Variants in PRC1 observed in about 807,000 individuals in gnomAD.
PRC1 encodes the protein anaphase spindle elongation 1 homolog.
PRC1 carries 54 observed loss-of-function variants against 91.2 expected under a neutral mutation model. The observed-to-expected ratio is 0.59, with a 90% CI of 0.48 to 0.74. PRC1 has a LOEUF of 0.74. Among genes scored for constraint, PRC1 ranks in the 30% least tolerant of loss-of-function variants. The probability of loss-of-function intolerance (pLI) is 0.00; values close to 1 mark genes in which losing one functional copy is unlikely to be tolerated. For synonymous variants in PRC1, 275 were observed against 263.6 expected, an observed-to-expected ratio of 1.04 and a Z score of -0.42; for missense variants, 727 against 746.2, an observed-to-expected ratio of 0.97 and a Z score of 0.30.
chr15:90,992,647 T>A (rs2040043955), intron 1 of PRC1, among the ~76,000 whole-genome samples: 2 of 152,160 alleles, frequency 1.3e-5, no homozygotes, highest in South Asian at 4.1e-4. Flanking sequence ...ATTATCATGA[T>A]ACACTTAAAT....
intron 12 of PRC1, 140 bp from the exon 13 acceptor site, chr15:90,969,763 CATAT>C (rs61067469): frequency 0.04 from 5,243 of 129,946 alleles, 166 homozygotes; most frequent in African/African-American, 0.074. Context: ...AAAAAAAAAA[CATAT>C]ATATATATAT....
At chr15:90,967,233 T>TGTGTAAGAGAGGC in intron 14 of PRC1, 31 bp from the exon 15 acceptor site, 1 of 1,530,940 alleles carries the variant, frequency 6.5e-7, no homozygotes, top group Non-Finnish European at 9.1e-7. Flanking sequence ...TCAGTGGCCA[T>TGTGTAAGAGAGGC]ACTGCCTCTC....
intron 1 of PRC1, among the ~76,000 whole-genome samples, chr15:90,986,371 G>A (rs886128415): frequency 6.6e-6 from 1 of 152,372 alleles, no homozygotes; most frequent in East Asian, 1.9e-4. Context: ...GCTCACACCT[G>A]TAATTCCAGG....
At chr15:90,990,246 G>A (rs2039886767) in intron 1 of PRC1, among the ~76,000 whole-genome samples, 1 of 151,848 alleles carries the variant, frequency 6.6e-6, no homozygotes, top group African/African-American at 2.4e-5. Context: ...TGAGGCAGGA[G>A]AATTGCTTGA....
intron 14 of PRC1, chr15:90,968,490 A>G (rs1291217244): frequency 1.0e-6 from 1 of 986,002 alleles, no homozygotes. Context: ...AGTAAAAGGC[A>G]GTGTAGTTAG....
At chr15:90,980,544 G>A in intron 6 of PRC1, 155 bp from the exon 7 acceptor site, 2 of 867,220 alleles carry the variant, frequency 2.3e-6, no homozygotes, top group Admixed American at 3.1e-5. Context: ...TTTGAGACAG[G>A]GTCTCACTCT....
At position 90,981,963 on chromosome 15, in the gene PRC1, T is replaced by C. The variant is rs749435348; in HGVS notation, c.286A>G (p.Ile96Val). 1.4e-5 allele frequency: 22 copies of C among 1,613,968 alleles called. No homozygotes were observed. Among genetic ancestry groups the C allele is most frequent in the South Asian group, 6.6e-5 (6 of 91,086 alleles). ...CGCAAATCTTTTTCTAGTTGCAAGATGGTCGTCTCTCCTTCTTCCTGAATA... is the reference window on the plus strand; with the variant it reads ...CGCAAATCTTTTTCTAGTTGCAAGACGGTCGTCTCTCCTTCTTCCTGAATA... Reference protein sequence around the residue: ...EPFQEEGETTILQLEKDLRTQ... With the variant: ...EPFQEEGETTVLQLEKDLRTQ... Residue 96 changes from isoleucine to valine, a missense_variant, in exon 4 of 15, where the codon ATC (isoleucine) becomes GTC (valine). Transcript: ENST00000394249.
At chr15:90,979,440 A>T in intron 7 of PRC1, 146 bp from the exon 8 acceptor site, 2 of 936,940 alleles carry the variant, frequency 2.1e-6, no homozygotes, top group Non-Finnish European at 3.1e-6. Context: ...TGTGTAATAG[A>T]TATATAGTGG....
intron 7 of PRC1, 110 bp from the exon 8 acceptor site, chr15:90,979,404 C>G (rs1406015584): frequency 2.4e-6 from 3 of 1,268,046 alleles, no homozygotes; most frequent in Non-Finnish European, 3.3e-6. Context: ...TTATAGTAAA[C>G]TGATACAGGA....
chr15:90,981,130 G>C, intron 5 of PRC1, 97 bp from the exon 6 acceptor site: 2 of 1,508,932 alleles, frequency 1.3e-6, no homozygotes, highest in Non-Finnish European at 1.8e-6. Context: ...TAGAGGAGGA[G>C]GCACTTTCAT....
At chr15:90,983,165 T>G (rs2039337314) in intron 3 of PRC1, among the ~76,000 whole-genome samples, 1 of 152,174 alleles carries the variant, frequency 6.6e-6, no homozygotes, top group Admixed American at 6.5e-5. Context: ...CACTTCATGT[T>G]CTCTTCTGCC....
intron 1 of PRC1, among the ~76,000 whole-genome samples, chr15:90,994,186 G>A (rs1347198999): frequency 2.0e-5 from 3 of 152,118 alleles, no homozygotes; most frequent in African/African-American, 2.4e-5. Flanking sequence ...GGGCACCTGC[G>A]GCCGCCGGCG....
At chr15:90,982,054 G>A in intron 3 of PRC1, 73 bp from the exon 4 acceptor site, 1 of 1,367,172 alleles carries the variant, frequency 7.3e-7, no homozygotes, top group Non-Finnish European at 1.0e-6. Flanking sequence ...GACAACATAA[G>A]AAGGCGTGGA....
intron 1 of PRC1, among the ~76,000 whole-genome samples, chr15:90,990,876 T>A (rs12905197): frequency 0.052 from 7,867 of 151,776 alleles, 294 homozygotes; most frequent in South Asian, 0.15. Context: ...CCTTCTGGGA[T>A]CAAGCGATTC....
At position 90,980,969 on chromosome 15, in the gene PRC1, A is replaced by G. The variant is rs1441893021; in HGVS notation, c.737T>C (p.Leu246Pro). The part of the protein sequence containing the change: ...CEGLRTQIRE[L>P]WDRLQIPEEE... ...TTCAGGTATTTGCAACCTGTCCCAGAGCTCTCGGATTTGAGTACGCAGCCC... is the reference window on the plus strand; with the variant it reads ...TTCAGGTATTTGCAACCTGTCCCAGGGCTCTCGGATTTGAGTACGCAGCCC... The change falls in exon 6 of 15, where the codon CTC becomes CCC. Residue 246 changes from leucine to proline, a missense_variant. Coordinates refer to ENST00000394249, the MANE Select transcript of PRC1 (RefSeq NM_003981.4). The G allele has an allele frequency of 6.2e-7, 1 of 1,614,030 alleles. No homozygotes were observed. The highest frequency in any genetic ancestry group is 8.5e-7 in the Non-Finnish European group (1 of 1,180,030).
intron 14 of PRC1, chr15:90,968,850 GTGCC>G: frequency 1.5e-6 from 2 of 1,351,184 alleles, no homozygotes; most frequent in Non-Finnish European, 1.9e-6. Context: ...ATTTAAAACT[GTGCC>G]TGACTTTAGG....
Position 90,969,515 on chromosome 15 carries a change from G to A in PRC1, c.1681C>T (p.Pro561Ser). The A allele has an allele frequency of 3.1e-6, 5 of 1,613,350 alleles. No homozygotes were observed. Among genetic ancestry groups the A allele is most frequent in the Non-Finnish European group, 4.2e-6 (5 of 1,179,514 alleles). ...LNGSILSGGYPGSAPLQRNFS... is the reference protein window; with the variant it reads ...LNGSILSGGYSGSAPLQRNFS... ...TTGCGCTGGAGGGGGGCCGAGCCAG[G>A]GTACCCACCACTCAGGATGCTGCCG... Residue 561 changes from proline to serine, a missense_variant, in exon 13 of 15, where the codon CCT becomes TCT. Coordinates refer to ENST00000394249, the MANE Select transcript of PRC1 (RefSeq NM_003981.4).
At chr15:90,975,313 A>G (rs1168009486) in intron 9 of PRC1, among the ~76,000 whole-genome samples, 3 of 152,102 alleles carry the variant, frequency 2.0e-5, no homozygotes, top group South Asian at 2.1e-4. Flanking sequence ...CATGTTGGCC[A>G]GGCTGGTCTC....
intron 6 of PRC1, 126 bp from the exon 7 acceptor site, chr15:90,980,515 T>C: frequency 5.5e-6 from 2 of 360,902 alleles, no homozygotes; most frequent in Non-Finnish European, 7.2e-6. Flanking sequence ...ATCAACACTT[T>C]TTTTTTTTTT....
Sources: allele counts gnomAD v4.1 joint callset (sites outside exome capture counted in the v4.1 genomes callset), GRCh38; gene constraint gnomAD v4.1.1; transcripts MANE v1.5; gene names NCBI Gene and HGNC (gene_info 2026-07-23, HGNC 2026-07-21).